The following INTS3 variants were observed in gnomAD, a reference collection of about 807,000 sequenced individuals.
INTS3 encodes the protein integrator complex subunit 3, also known as SOSS complex subunit A.
A neutral mutation model predicts 146.3 loss-of-function variants in INTS3; 34 were observed. The observed-to-expected ratio is 0.23, with a 90% confidence interval of 0.18 to 0.31. INTS3 has a LOEUF of 0.31. INTS3 is among the 10% of genes least tolerant of loss of function. The pLI is 1.00. For synonymous variants in INTS3, 475 were observed against 494.9 expected (o/e 0.96, Z 0.53); for missense variants, 757 against 1,304.2 (o/e 0.58, Z 6.46).
intron 3 of INTS3, among the ~76,000 whole-genome samples, chr1:153,746,578 T>G (rs891722785): frequency 5.3e-5 from 8 of 152,232 alleles, no homozygotes; most frequent in African/African-American, 1.9e-4. Context: ...TTTTTTTGTA[T>G]TTTTAGTAGA....
In INTS3 at chr1:153,760,403, G is replaced by C. The variant is rs1271422723; in HGVS notation, c.1317+13G>C. 6.2e-7 allele frequency: 1 copy of C among 1,608,424 alleles called. No homozygotes were observed. Among genetic ancestry groups the C allele is most frequent in the Non-Finnish European group, 8.5e-7 (1 of 1,175,078 alleles). ...CTTCATGTGCCGCGTAAGTGTTAGAGCTCTCTTTTCTCCCCATGCCTGGAT... is the reference window on the plus strand; with the variant it reads ...CTTCATGTGCCGCGTAAGTGTTAGACCTCTCTTTTCTCCCCATGCCTGGAT... On this transcript the variant is annotated intron_variant, in intron 12 of 29. Coordinates refer to ENST00000318967, the MANE Select transcript of INTS3 (RefSeq NM_023015.5).
chr1:153,769,726 T>C lies in INTS3; in HGVS notation c.2314-43T>C, dbSNP rs748950890. ...CCCTCCATACTAGCTTCCTGGCCCC[T>C]TTCAGAGCTGATGGGTTCTGCCTCC... On this transcript the variant is annotated intron_variant, in intron 22 of 29. Transcript: ENST00000318967. 5 of 1,403,276 alleles carry C rather than the reference T, an allele frequency of 3.6e-6. No homozygotes were observed. The East Asian group carries it at 9.1e-5, about 26-fold the overall frequency. 86.9% of individuals were successfully genotyped at this position (1,403,276 alleles called of 1,614,324 possible). A position where few individuals can be genotyped will look rare whatever the true frequency, so the allele number is the denominator to read the frequency against.
chr1:153,731,711 G>A (rs1185950728), intron 1 of INTS3, among the ~76,000 whole-genome samples: 11 of 146,218 alleles, frequency 7.5e-5, no homozygotes, highest in African/African-American at 2.3e-4. Flanking sequence ...TCAGCCTCCC[G>A]AGTAGCTGAG....
At chr1:153,759,957 A>G in intron 11 of INTS3, 1 of 491,486 alleles carries the variant, frequency 2.0e-6, no homozygotes. Flanking sequence ...TGAGGGCTAC[A>G]AGCTGTTTCG....
At position 153,728,672 on chromosome 1, in the gene INTS3, C is replaced by A; in HGVS notation, c.38C>A (p.Ala13Glu). 1 of 1,605,656 alleles carries A rather than the reference C, an allele frequency of 6.2e-7. No individual in the cohort carries two copies. Among genetic ancestry groups the A allele is most frequent in the Non-Finnish European group, 8.5e-7 (1 of 1,177,310 alleles). ...LQKGKGAAAA[A>E]AASGAAGGGG... ...AAGGGAAAAGGGGCGGCAGCAGCAG[C>A]AGCTGCTTCGGGAGCAGCGGGAGGT... is the stretch of plus-strand genomic sequence containing the variant. Residue 13 changes from alanine (A) to glutamate (E), a missense_variant, in exon 1 of 30, where the codon GCA becomes GAA. By Grantham distance (107) the Ala-to-Glu change is moderately radical. This residue lies in a region of INTS3 where 160 missense variants were observed against 193.7 expected (regional missense o/e 0.83). Transcript: ENST00000318967.
At chr1:153,747,517 T>C (rs1210179036) in intron 5 of INTS3, 154 bp downstream of exon 5, 7 of 644,052 alleles carry the variant, frequency 1.1e-5, no homozygotes, top group Non-Finnish European at 5.6e-6. Context: ...ACATATGTTG[T>C]AGAAATAAAT....
At position 153,767,581 on chromosome 1, in the gene INTS3, G is replaced by A. The variant is rs1570881713; in HGVS notation, c.2091-93G>A. 3.0e-6 allele frequency: 4 copies of A among 1,344,130 alleles called. No individual in the cohort carries two copies. In the East Asian group the frequency reaches 7.6e-5, roughly 26 times the overall value. 83.3% of individuals were successfully genotyped at this position (1,344,130 alleles called of 1,614,324 possible). On this transcript the variant is annotated intron_variant, in intron 20 of 29. Transcript: ENST00000318967. Reference sequence around the variant, plus strand: ...GATTAGCACAGGGCATCTGGAGCCAGCAAAGCAGTTTTAGAGCGGGAGCCT... The same window carrying A: ...GATTAGCACAGGGCATCTGGAGCCAACAAAGCAGTTTTAGAGCGGGAGCCT...
Position 153,770,119 on chromosome 1 carries a change from TGGGGGGGTG to T in INTS3, c.2390-69_2390-61del, listed in dbSNP as rs1394237985. ...TGTGTGTGTGCTGGTAGTCAGTGGA[TGGGGGGGTG>T]GGGGGGGTGTGTGTGTGTGTGTGTT... On this transcript the variant is annotated intron_variant, in intron 23 of 29. Transcript: ENST00000318967. 28 of 350,794 alleles carry T rather than the reference TGGGGGGGTG, an allele frequency of 8.0e-5. No individual in the cohort carries two copies. The East Asian group carries it at 1.1e-3, about 14-fold the overall frequency. The allele number at this position is 350,794 out of a possible 1,614,324, so 21.7% of individuals were successfully genotyped here.
At position 153,772,661 on chromosome 1, in the gene INTS3, C is replaced by G. The variant is rs747281889; in HGVS notation, c.2844C>G (p.Leu948=). The G allele has an allele frequency of 1.9e-6, 3 of 1,614,214 alleles. No homozygotes were observed. The South Asian group carries it at 3.3e-5, about 18-fold the overall frequency. The change falls in exon 28 of 30, where the codon CTC becomes CTG. Residue 948 remains leucine (L), a synonymous_variant. Coordinates refer to ENST00000318967, the MANE Select transcript of INTS3 (RefSeq NM_023015.5). The surrounding 1 kb of genome is among the most constrained non-coding windows in gnomAD (Gnocchi z 4.6). ...KQNFFSQTPI[L]QALQHVQASC... is the part of the protein sequence containing the mutation. ...TAGTTTTTAGCCAGACGCCAATTCT[C>G]CAGGCGCTGCAGCATGTCCAAGCGA...
At chr1:153,748,628 A>T in intron 5 of INTS3, 61 bp from the exon 6 acceptor site, 1 of 1,315,408 alleles carries the variant, frequency 7.6e-7, no homozygotes. Context: ...GGGTGAAGAG[A>T]TGTATTGGAT....
At chr1:153,752,062 C>T in intron 7 of INTS3, 1 of 560,520 alleles carries the variant, frequency 1.8e-6, no homozygotes, top group East Asian at 3.3e-5. Context: ...TCAGCACTTC[C>T]CACTAACCTC....
intron 1 of INTS3, among the ~76,000 whole-genome samples, chr1:153,736,725 C>T (rs866485408): frequency 9.1e-4 from 135 of 149,002 alleles, no homozygotes; most frequent in South Asian, 1.9e-3. Context: ...AGATTACAGG[C>T]GTGAGCCACC....
chr1:153,763,710 A>G (rs958351214), intron 16 of INTS3, 122 bp from the exon 17 acceptor site: 6 of 872,136 alleles, frequency 6.9e-6, no homozygotes, highest in Non-Finnish European at 1.1e-5. Context: ...CTGGGATTTT[A>G]CACAGAGCTC....
chr1:153,769,175 A>G (rs1672715179), intron 22 of INTS3, among the ~76,000 whole-genome samples: 1 of 152,172 alleles, frequency 6.6e-6, no homozygotes, highest in Non-Finnish European at 1.5e-5. Flanking sequence ...TCCTGCCTGG[A>G]GTTCCCCTTA....
chr1:153,764,608 GGT>G, intron 18 of INTS3, 80 bp from the exon 19 acceptor site: 2 of 1,011,234 alleles, frequency 2.0e-6, no homozygotes, highest in Non-Finnish European at 3.2e-6. Context: ...GGAGCAGGCT[GGT>G]GTCTAGCCTC....
rs932445955 is a variant in INTS3 at position 153,757,432 on chromosome 1, C to A, written c.958-140C>A. ...GTTCTCCTAAAGGAGGGGAGACTTA[C>A]GAGACAGTATGAGCTAATGAATGAA... On this transcript the variant is annotated intron_variant, in intron 9 of 29. Transcript: ENST00000318967. The surrounding 1 kb of genome is among the most constrained non-coding windows in gnomAD (Gnocchi z 4.0). 54 of 628,448 alleles carry A rather than the reference C, an allele frequency of 8.6e-5. No individual in the cohort carries two copies. In the African/African-American group the frequency reaches 9.0e-4, roughly 11 times the overall value. The allele number at this position is 628,448 out of a possible 1,614,324, so 38.9% of individuals were successfully genotyped here.
intron 3 of INTS3, among the ~76,000 whole-genome samples, chr1:153,745,455 G>A (rs992566134): frequency 2.6e-5 from 4 of 151,196 alleles, no homozygotes; most frequent in South Asian, 4.2e-4. Flanking sequence ...CACCATACCC[G>A]GCCCTTGCTA....
chr1:153,737,527 C>A (rs1260112622), intron 1 of INTS3, among the ~76,000 whole-genome samples: 1 of 152,090 alleles, frequency 6.6e-6, no homozygotes, highest in Non-Finnish European at 1.5e-5. Context: ...TGGACAGAGT[C>A]TCATTCTGTA....
intron 3 of INTS3, among the ~76,000 whole-genome samples, chr1:153,744,067 G>A (rs915197052): frequency 1.3e-5 from 2 of 149,008 alleles, no homozygotes; most frequent in Non-Finnish European, 3.0e-5. Context: ...GTGTGTGTGT[G>A]TGTGTGTGTG....
Sources: gnomAD v4.1 joint callset for allele counts (sites outside exome capture counted in the v4.1 genomes callset) on GRCh38, gnomAD v4.1.1 for gene constraint, gnomAD v4.1.1 regional missense constraint, Gnocchi (gnomAD v3.1) non-coding constraint, MANE v1.5 for transcripts, NCBI Gene and HGNC (gene_info 2026-07-23, HGNC 2026-07-21) for gene names.